Variants in CDH12 observed in about 807,000 individuals in gnomAD.
CDH12 encodes the protein cadherin 12.
A neutral mutation model predicts 74.1 loss-of-function variants in CDH12; 41 were observed. The observed-to-expected ratio is 0.55, with a 90% CI of 0.43 to 0.72. The LOEUF is 0.72. Among genes scored for constraint, CDH12 ranks in the 30% least tolerant of loss-of-function variants. The pLI is 0.00. For synonymous variants in CDH12, 399 were observed against 355.0 expected (o/e 1.12, Z -1.39); for missense variants, 945 against 977.2 (o/e 0.97, Z 0.44).
In CDH12 at chr5:21,850,628, T is replaced by G. The variant is rs187434540; in HGVS notation, c.646+4043A>C. ...GTCAAGCTATAGGAGGAGGTTTCGTTGGGAGATAGGCTTGAAGATAATTAT... is the reference window on the plus strand; with the variant it reads ...GTCAAGCTATAGGAGGAGGTTTCGTGGGGAGATAGGCTTGAAGATAATTAT... On this transcript the variant is annotated intron_variant, in intron 7 of 14. Coordinates refer to ENST00000382254, the MANE Select transcript of CDH12 (RefSeq NM_004061.5). Among the ~76,000 whole-genome samples, 9 of 151,548 alleles carry G rather than the reference T, an allele frequency of 5.9e-5. No homozygotes were observed. The Admixed American group carries it at 5.9e-4, about 10-fold the overall frequency.
intron 3 of CDH12, among the ~76,000 whole-genome samples, chr5:22,216,146 T>C (rs1429709781): frequency 6.6e-6 from 1 of 152,058 alleles, no homozygotes; most frequent in Non-Finnish European, 1.5e-5. Flanking sequence ...AGTCATCTTG[T>C]TGTCAAAAAG....
At chr5:22,710,619 T>G (rs145684052) in intron 1 of CDH12, among the ~76,000 whole-genome samples, 1 of 152,138 alleles carries the variant, frequency 6.6e-6, no homozygotes, top group Non-Finnish European at 1.5e-5. Context: ...TCAGATGCAA[T>G]TGAATATTAG....
intron 4 of CDH12, among the ~76,000 whole-genome samples, chr5:22,207,216 C>CAAAAAAAAAAA (rs11430414): frequency 6.5e-5 from 6 of 92,190 alleles, no homozygotes; most frequent in Admixed American, 1.3e-4. Context: ...AAGACTGTCT[C>CAAAAAAAAAAA]AAAAAAAAAA....
At chr5:22,739,823 C>T (rs1329888390) in intron 1 of CDH12, among the ~76,000 whole-genome samples, 1 of 152,040 alleles carries the variant, frequency 6.6e-6, no homozygotes, top group Non-Finnish European at 1.5e-5. Flanking sequence ...GTCATGTACC[C>T]TTAGAATCTA....
intron 8 of CDH12, among the ~76,000 whole-genome samples, chr5:21,841,707 C>T (rs532870403): frequency 0.016 from 2,476 of 151,800 alleles, 68 homozygotes; most frequent in African/African-American, 0.056. Context: ...TGTCCTTTGT[C>T]GGGACATGGA....
rs561697775 is a variant in CDH12, at chr5:22,030,380, A to G, written c.231+48066T>C. Among the ~76,000 whole-genome samples the G allele has an allele frequency of 2.1e-4, 32 of 152,342 alleles. 1 individual carries two copies. Among genetic ancestry groups the G allele is most frequent in the South Asian group, 4.1e-4 (2 of 4,828 alleles). On this transcript the variant is annotated intron_variant, in intron 5 of 14. Transcript: ENST00000382254. ...ATGTTGTATTAGCAGGCATGAAAACAGCATTAATCTCCTTGAATACCTTTA... is the reference window on the plus strand; with the variant it reads ...ATGTTGTATTAGCAGGCATGAAAACGGCATTAATCTCCTTGAATACCTTTA...
At chr5:22,801,305 C>T (rs532489963) in intron 1 of CDH12, among the ~76,000 whole-genome samples, 2 of 152,048 alleles carry the variant, frequency 1.3e-5, no homozygotes, top group Admixed American at 6.6e-5. Context: ...AATTAGGCTT[C>T]GTAGGTAGCT....
chr5:21,913,187 T>C (rs1489289471), intron 6 of CDH12, among the ~76,000 whole-genome samples: 2 of 152,102 alleles, frequency 1.3e-5, no homozygotes, highest in Non-Finnish European at 2.9e-5. Flanking sequence ...TGGATTCTAG[T>C]TTCTATGGCT....
intron 3 of CDH12, among the ~76,000 whole-genome samples, chr5:22,384,646 A>G (rs1483581440): frequency 6.6e-6 from 1 of 152,198 alleles, no homozygotes; most frequent in Non-Finnish European, 1.5e-5. Context: ...CTCAGTAACA[A>G]CAGCTAGACT....
intron 5 of CDH12, among the ~76,000 whole-genome samples, chr5:22,011,462 C>T (rs1737287575): frequency 6.6e-6 from 1 of 152,094 alleles, no homozygotes; most frequent in Non-Finnish European, 1.5e-5. Context: ...ATAGTTTTGC[C>T]TTTTATTGAA....
rs556703792 is a variant in CDH12, at chr5:22,688,145, G to A, written c.-523+164913C>T. On this transcript the variant is annotated intron_variant, in intron 1 of 14. Coordinates refer to ENST00000382254, the MANE Select transcript of CDH12 (RefSeq NM_004061.5). The stretch of plus-strand genomic sequence containing the variant: ...GTTTCATTGTGTGCGAGTAACAACT[G>A]GCGTCCAGGAGATTCATGAGAATTA... Among the ~76,000 whole-genome samples the A allele has an allele frequency of 3.7e-4, 57 of 152,152 alleles. 1 individual carries two copies. The highest frequency in any genetic ancestry group is 1.2e-3 in the African/African-American group (51 of 41,528).
At chr5:22,703,426 T>C (rs934971650) in intron 1 of CDH12, among the ~76,000 whole-genome samples, 1 of 152,206 alleles carries the variant, frequency 6.6e-6, no homozygotes, top group African/African-American at 2.4e-5. Flanking sequence ...GATAACTTTT[T>C]TAAGTGAATT....
chr5:22,483,748 C>CTA (rs573933210), intron 2 of CDH12, among the ~76,000 whole-genome samples: 318 of 22,766 alleles, frequency 0.014, 98 homozygotes, highest in Non-Finnish European at 0.015. Flanking sequence ...TCTTTCAAAA[C>CTA]TATATATATA....
chr5:22,051,903 A>T (rs1740396252), intron 5 of CDH12, among the ~76,000 whole-genome samples: 1 of 152,176 alleles, frequency 6.6e-6, no homozygotes, highest in Non-Finnish European at 1.5e-5. Flanking sequence ...TGATTTAAGA[A>T]AGAAAACAGT....
chr5:21,796,440 G>A (rs985052532), intron 10 of CDH12, among the ~76,000 whole-genome samples: 19 of 151,938 alleles, frequency 1.3e-4, no homozygotes, highest in African/African-American at 3.1e-4. Flanking sequence ...AATGCATATC[G>A]TTTTCACACC....
chr5:22,483,931 A>T, intron 2 of CDH12, among the ~76,000 whole-genome samples: 1 of 149,696 alleles, frequency 6.7e-6, no homozygotes, highest in East Asian at 2.0e-4. Flanking sequence ...AGAAGATATC[A>T]GGGGCCATAT....
At chr5:21,900,038 C>T (rs1223309341) in intron 6 of CDH12, among the ~76,000 whole-genome samples, 2 of 151,930 alleles carry the variant, frequency 1.3e-5, no homozygotes, top group Non-Finnish European at 2.9e-5. Flanking sequence ...TAGCTAGATA[C>T]ATAGATAGTT....
intron 1 of CDH12, among the ~76,000 whole-genome samples, chr5:22,715,788 G>T (rs1403938003): frequency 6.9e-6 from 1 of 144,584 alleles, no homozygotes; most frequent in Non-Finnish European, 1.5e-5. Flanking sequence ...GCTACAGAGT[G>T]AGATCCCATC....
chr5:21,995,661 C>T (rs921542908), intron 5 of CDH12, among the ~76,000 whole-genome samples: 1 of 151,624 alleles, frequency 6.6e-6, no homozygotes, highest in Non-Finnish European at 1.5e-5. Context: ...GAAGTATCAC[C>T]GTAATTCACA....
Sources: allele counts gnomAD v4.1 joint callset (sites outside exome capture counted in the v4.1 genomes callset), GRCh38; gene constraint gnomAD v4.1.1; transcripts MANE v1.5; gene names NCBI Gene and HGNC (gene_info 2026-07-23, HGNC 2026-07-21).